UNC79: variants seen among roughly 807,000 people sequenced by gnomAD.
UNC79 encodes the protein protein unc-79 homolog.
UNC79 carries 37 observed loss-of-function variants against 283.1 expected under a neutral mutation model. That is an observed-to-expected ratio of 0.13 (90% confidence interval 0.10 to 0.17). The LOEUF is 0.17. Ranked by LOEUF, UNC79 falls within the 10% of genes least tolerant of loss-of-function variation. UNC79 has a pLI of 1.00. For missense variants in UNC79, 2,272 were observed against 3,211.1 expected (o/e 0.71, Z 7.07); for synonymous variants, 1,107 against 1,200.2 (o/e 0.92, Z 1.61).
intron 26 of UNC79, 68 bp from the exon 27 acceptor site, chr14:93,604,828 T>C (rs2139628780): frequency 6.9e-7 from 1 of 1,449,296 alleles, no homozygotes; most frequent in Non-Finnish European, 9.2e-7. Context: ...AAGTTAGCAC[T>C]GAGTATATTT....
At position 93,533,372 on chromosome 14, in the gene UNC79, A is replaced by T. The variant is rs2060917837; in HGVS notation, c.1122+794A>T. ...TCATATGGCAACCAATTATTTAATC[A>T]CAATTCTGTGGATTGGCAATTTGTC... On this transcript the variant is annotated intron_variant, in intron 11 of 48. Coordinates refer to ENST00000555664, the Ensembl canonical transcript of UNC79. 2.6e-5 allele frequency among the ~76,000 whole-genome samples: 4 copies of T among 152,222 alleles called. No homozygotes were observed. In the South Asian group the frequency reaches 8.3e-4, roughly 32 times the overall value.
intron 4 of UNC79, among the ~76,000 whole-genome samples, chr14:93,479,389 C>T (rs892997387): frequency 1.2e-4 from 18 of 152,274 alleles, no homozygotes; most frequent in Non-Finnish European, 2.5e-4. Context: ...CCTCTGCCTC[C>T]TGAGTTCAAG....
chr14:93,491,005 A>G (rs111312377), intron 5 of UNC79, among the ~76,000 whole-genome samples: 122 of 152,288 alleles, frequency 8.0e-4, no homozygotes, highest in African/African-American at 2.8e-3. Context: ...TTTGTTTCTT[A>G]TAGTTCCAGG....
intron 31 of UNC79, among the ~76,000 whole-genome samples, chr14:93,633,761 A>C (rs1346380106): frequency 1.3e-5 from 2 of 152,186 alleles, no homozygotes; most frequent in East Asian, 3.8e-4. Flanking sequence ...TGGAAATGCT[A>C]ATAACTTGAC....
exon 39 of UNC79, chr14:93,659,197 C>T (rs771956466): frequency 6.2e-7 from 1 of 1,608,772 alleles, no homozygotes; most frequent in South Asian, 1.1e-5. Flanking sequence ...TCACAGTGTT[C>T]TTTAGATTCC....
rs769311063 is a variant in UNC79, at chr14:93,637,248, G to T, written c.5749G>T (p.Val1917Leu). Residue 1917 changes from valine to leucine, a missense_variant, in exon 32 of 49, where the codon GTG becomes TTG. Physicochemically the swap from Val to Leu is conservative, Grantham distance 32 (BLOSUM62 1). This residue lies in a region of UNC79 where 580 missense variants were observed against 632.2 expected (regional missense o/e 0.92). Transcript: ENST00000555664. ...ACAGCCTGGGAAACGCCAGTGTAAC[G>T]TGCCAACGTGCCTAAACCCTGACCT... 51 of 1,532,468 alleles carry T rather than the reference G, an allele frequency of 3.3e-5. 1 individual carries two copies. In the East Asian group the frequency reaches 1.1e-3, roughly 34 times the overall value. 94.9% of individuals were successfully genotyped at this position (1,532,468 alleles called of 1,614,324 possible). A position where few individuals can be genotyped will look rare whatever the true frequency, so the allele number is the denominator to read the frequency against.
At chr14:93,477,941 CTGTT>C (rs751087072) in intron 4 of UNC79, among the ~76,000 whole-genome samples, 16 of 152,240 alleles carry the variant, frequency 1.1e-4, no homozygotes, top group East Asian at 5.8e-4. Flanking sequence ...TTTATTCAGA[CTGTT>C]TGATCTTATA....
intron 2 of UNC79, among the ~76,000 whole-genome samples, chr14:93,472,231 C>A (rs2057547091): frequency 6.6e-6 from 1 of 151,970 alleles, no homozygotes; most frequent in African/African-American, 2.4e-5. Context: ...TAGAATCCTA[C>A]AGGATTAAAA....
chr14:93,349,565 T>A (rs2053941427), intron 1 of UNC79, among the ~76,000 whole-genome samples: 1 of 152,224 alleles, frequency 6.6e-6, no homozygotes. Context: ...AAAACTTTCT[T>A]CCCTTTTATG....
intron 26 of UNC79, among the ~76,000 whole-genome samples, chr14:93,610,533 A>C (rs17129119): frequency 0.011 from 1,731 of 152,338 alleles, 39 homozygotes; most frequent in African/African-American, 0.039. Context: ...GTCCAAAGCA[A>C]TAATGGCCTT....
chr14:93,626,736 T>C (rs922757072), intron 30 of UNC79, among the ~76,000 whole-genome samples: 1 of 152,154 alleles, frequency 6.6e-6, no homozygotes, highest in African/African-American at 2.4e-5. Flanking sequence ...AATTTTGGTA[T>C]CATTTAATTT....
chr14:93,654,645 A>T (rs1437556659), intron 37 of UNC79, among the ~76,000 whole-genome samples: 1 of 150,284 alleles, frequency 6.7e-6, no homozygotes. Flanking sequence ...TTAATTAAGA[A>T]ATAGAATTGC....
In UNC79 at chr14:93,474,453, C is replaced by A; in HGVS notation, c.448+60C>A. ...TGGATGCTTATGAATGTATATGATG[C>A]TGAGCAAGGGGCTTGGAGATGGTCA... On this transcript the variant is annotated intron_variant, in intron 3 of 48. Transcript: ENST00000555664. The surrounding 1 kb of genome is among the most constrained non-coding windows in gnomAD (Gnocchi z 4.1). The A allele has an allele frequency of 6.7e-7, 1 of 1,488,412 alleles. No homozygotes were observed. Among genetic ancestry groups the A allele is most frequent in the Non-Finnish European group, 8.9e-7 (1 of 1,118,060 alleles). 92.2% of individuals were successfully genotyped at this position (1,488,412 alleles called of 1,614,324 possible).
At chr14:93,507,095 A>G (rs1267996214) in intron 7 of UNC79, among the ~76,000 whole-genome samples, 1 of 151,982 alleles carries the variant, frequency 6.6e-6, no homozygotes, top group Non-Finnish European at 1.5e-5. Flanking sequence ...TCTTTTTTTT[A>G]TTGCTAAGTA....
intron 47 of UNC79, among the ~76,000 whole-genome samples, chr14:93,697,047 CT>C (rs2075185916): frequency 6.6e-6 from 1 of 152,118 alleles, no homozygotes; most frequent in African/African-American, 2.4e-5. Flanking sequence ...GTCAAATTGC[CT>C]TTGCACTTTT....
At chr14:93,572,532 T>G (rs996579063) in intron 15 of UNC79, among the ~76,000 whole-genome samples, 161 bp from the exon 16 acceptor site, 1 of 152,232 alleles carries the variant, frequency 6.6e-6, no homozygotes, top group African/African-American at 2.4e-5. Context: ...GACATAAACT[T>G]CTCTTACAGT....
chr14:93,341,331 G>T (rs2053703213), intron 1 of UNC79, among the ~76,000 whole-genome samples: 1 of 151,902 alleles, frequency 6.6e-6, no homozygotes, highest in Admixed American at 6.6e-5. Flanking sequence ...GTGGTACATG[G>T]CTGTAATCCC....
intron 14 of UNC79, among the ~76,000 whole-genome samples, chr14:93,543,644 C>T (rs2061474739): frequency 6.6e-6 from 1 of 152,138 alleles, no homozygotes; most frequent in Non-Finnish European, 1.5e-5. Flanking sequence ...TGGGATTATA[C>T]AGGCATGAGC....
At chr14:93,553,921 A>G (rs2062022920) in intron 14 of UNC79, among the ~76,000 whole-genome samples, 1 of 152,258 alleles carries the variant, frequency 6.6e-6, no homozygotes, top group Non-Finnish European at 1.5e-5. Context: ...ATCAAAATTT[A>G]AAACACTTGA....
Sources: gnomAD v4.1 joint callset for allele counts (sites outside exome capture counted in the v4.1 genomes callset) on GRCh38, gnomAD v4.1.1 for gene constraint, gnomAD v4.1.1 regional missense constraint, Gnocchi (gnomAD v3.1) non-coding constraint, MANE v1.5 for transcripts, NCBI Gene and HGNC (gene_info 2026-07-23, HGNC 2026-07-21) for gene names.